Variants in SYN3 observed in about 807,000 individuals in gnomAD.
The protein encoded by SYN3 is synapsin-3.
Under a neutral mutation model 65.8 loss-of-function variants are expected in SYN3, and 35 were observed. That is an observed-to-expected ratio of 0.53 (90% confidence interval 0.41 to 0.70). SYN3 has a LOEUF of 0.70. Among genes scored for constraint, SYN3 ranks in the 30% least tolerant of loss-of-function variants. The pLI is 0.00. For synonymous variants in SYN3, 270 were observed against 292.9 expected (o/e 0.92, Z 0.80); for missense variants, 680 against 749.0 (o/e 0.91, Z 1.08).
intron 7 of SYN3, among the ~76,000 whole-genome samples, chr22:32,563,155 C>T (rs996180433): frequency 6.6e-6 from 1 of 152,246 alleles, no homozygotes; most frequent in Admixed American, 6.5e-5. Context: ...TTATTAGTAT[C>T]CAGCTTAGAG....
intron 6 of SYN3, among the ~76,000 whole-genome samples, chr22:32,720,245 T>TGGGTTTGTCTTC (rs767415494): frequency 3.3e-5 from 5 of 152,220 alleles, no homozygotes; most frequent in Non-Finnish European, 7.3e-5. Context: ...GAGTCCAACC[T>TGGGTTTGTCTTC]GGGTTTGTCT....
rs1261092127 is a variant in SYN3, at chr22:32,801,980, G to GGCAGCGGCGGCA, written c.711+62923_711+62934dup. ...CTTTGGAGAGGCGAGCAGCAGCCCC[G>GGCAGCGGCGGCA]GCAGCGGCGGCAGCAGCGGCAATGA... is the stretch of plus-strand genomic sequence containing the variant. On this transcript the variant is annotated intron_variant, in intron 6 of 13. Coordinates refer to ENST00000358763, the MANE Select transcript of SYN3 (RefSeq NM_003490.4). This position sits in a 1 kb window ranked among gnomAD's most constrained non-coding sequence, Gnocchi z 4.7. 6.3e-7 allele frequency: 1 copy of GGCAGCGGCGGCA among 1,580,612 alleles called. No individual in the cohort carries two copies.
intron 6 of SYN3, among the ~76,000 whole-genome samples, chr22:32,831,865 C>CA (rs537524516): frequency 2.9e-4 from 44 of 152,014 alleles, no homozygotes; most frequent in African/African-American, 1.0e-3. Context: ...CAACCTCCAC[C>CA]AAAAAAAGAC....
Position 32,980,650 on chromosome 22 carries a change from C to G in SYN3, c.364G>C (p.Glu122Gln). ...AAGACACAGCTCCCACCTACCTGCTCCACTCGGATCTCAATCTCTCCATTC... is the reference window on the plus strand; with the variant it reads ...AAGACACAGCTCCCACCTACCTGCTGCACTCGGATCTCAATCTCTCCATTC... ...KVNGEIEIRV[E>Q]QAEFSELNLA... Residue 122 changes from glutamate to glutamine, a missense_variant, in exon 3 of 14, where the codon GAG becomes CAG. Physicochemically the swap from Glu to Gln is conservative, Grantham distance 29. Transcript: ENST00000358763. 2 of 1,613,998 alleles carry G rather than the reference C, an allele frequency of 1.2e-6. No individual in the cohort carries two copies. Among genetic ancestry groups the G allele is most frequent in the Non-Finnish European group, 1.7e-6 (2 of 1,179,928 alleles).
rs569216339 is a variant in SYN3 at position 32,623,539 on chromosome 22, C to T, written c.712-26803G>A. 3.3e-5 allele frequency among the ~76,000 whole-genome samples: 5 copies of T among 152,296 alleles called. No individual in the cohort carries two copies. In the South Asian group the frequency reaches 8.3e-4, roughly 25 times the overall value. Reference sequence around the variant, plus strand: ...ATTGTGCACTTCCAGCAATCAATGGCGGTCTTCCCATAACCCCAACCTGCC... The same window carrying T: ...ATTGTGCACTTCCAGCAATCAATGGTGGTCTTCCCATAACCCCAACCTGCC... On this transcript the variant is annotated intron_variant, in intron 6 of 13. Transcript: ENST00000358763.
rs1238134558 is a variant in SYN3 at position 32,669,013 on chromosome 22, T to C, written c.712-72277A>G. ...GTTGACATTTATTAAGCTCTTACTA[T>C]TATGTGCCTGACTTAGGTTACCTTT... On this transcript the variant is annotated intron_variant, in intron 6 of 13. Transcript: ENST00000358763. Among the ~76,000 whole-genome samples the C allele has an allele frequency of 5.3e-5, 8 of 152,312 alleles. No individual in the cohort carries two copies. The South Asian group carries it at 6.2e-4, about 12-fold the overall frequency.
chr22:32,719,032 G>A (rs2061078746), intron 6 of SYN3, among the ~76,000 whole-genome samples: 1 of 152,104 alleles, frequency 6.6e-6, no homozygotes, highest in Non-Finnish European at 1.5e-5. Flanking sequence ...CGACAGATCA[G>A]CCTCATCTTC....
At chr22:32,966,167 T>G (rs531150183) in intron 3 of SYN3, among the ~76,000 whole-genome samples, 1 of 152,052 alleles carries the variant, frequency 6.6e-6, no homozygotes. Flanking sequence ...AAGTGTGATG[T>G]AGACACAGGT....
Position 32,511,841 on chromosome 22 carries a change from G to A in SYN3, c.*1851C>T, listed in dbSNP as rs2057694779. 6.6e-6 allele frequency among the ~76,000 whole-genome samples: 1 copy of A among 152,206 alleles called. No individual in the cohort carries two copies. The highest frequency in any genetic ancestry group is 1.5e-5 in the Non-Finnish European group (1 of 68,046). On this transcript the variant is annotated 3_prime_UTR_variant, in exon 14 of 14. Transcript: ENST00000358763. ...AATCCCAGACCAAGAGTCTTGAACA[G>A]GAGGAGAGAGAGGACTTCTGAATTA...
intron 6 of SYN3, among the ~76,000 whole-genome samples, chr22:32,712,655 A>G (rs904196343): frequency 2.0e-5 from 3 of 152,130 alleles, no homozygotes; most frequent in African/African-American, 7.2e-5. Context: ...TCTCCACTGC[A>G]ATTGAAATAC....
chr22:32,722,234 A>G (rs911671821), intron 6 of SYN3, among the ~76,000 whole-genome samples: 3 of 152,158 alleles, frequency 2.0e-5, no homozygotes, highest in Non-Finnish European at 2.9e-5. Flanking sequence ...GGGACAACGT[A>G]CCCACAGGGT....
intron 4 of SYN3, among the ~76,000 whole-genome samples, chr22:32,879,088 C>T (rs1045655336): frequency 1.3e-5 from 2 of 152,148 alleles, no homozygotes; most frequent in African/African-American, 4.8e-5. Flanking sequence ...CACACACACA[C>T]ACTTTGAAAA....
intron 6 of SYN3, among the ~76,000 whole-genome samples, chr22:32,713,279 A>T (rs955219788): frequency 5.9e-5 from 9 of 152,212 alleles, no homozygotes; most frequent in Non-Finnish European, 1.3e-4. Context: ...CCAGAAAGTT[A>T]TAGGCTTAAG....
chr22:32,905,625 A>C (rs994308950), intron 4 of SYN3, among the ~76,000 whole-genome samples: 1 of 152,254 alleles, frequency 6.6e-6, no homozygotes, highest in Non-Finnish European at 1.5e-5. Flanking sequence ...AAAGAAGTGG[A>C]GCTTAGGAGG....
intron 12 of SYN3, among the ~76,000 whole-genome samples, chr22:32,518,794 C>T (rs539548176): frequency 5.3e-5 from 8 of 152,260 alleles, no homozygotes; most frequent in South Asian, 4.2e-4. Context: ...TCTCGGGCTG[C>T]GTTACGGACT....
intron 6 of SYN3, among the ~76,000 whole-genome samples, chr22:32,701,930 G>GA (rs1285973939): frequency 6.6e-6 from 1 of 151,908 alleles, no homozygotes; most frequent in Non-Finnish European, 1.5e-5. Context: ...GAAATAAGAA[G>GA]AAAAAACACA....
chr22:32,910,662 C>T (rs2050028428), intron 4 of SYN3, among the ~76,000 whole-genome samples: 1 of 147,374 alleles, frequency 6.8e-6, no homozygotes, highest in South Asian at 2.2e-4. Context: ...TGCGCTTTTG[C>T]CATTGAAAGT....
intron 6 of SYN3, among the ~76,000 whole-genome samples, chr22:32,763,972 C>CTGTTG (rs1385019066): frequency 2.9e-4 from 41 of 143,102 alleles, no homozygotes; most frequent in African/African-American, 1.0e-3. Flanking sequence ...GAGTCTCACT[C>CTGTTG]TGTCGCTCAG....
chr22:32,741,340 G>C (rs1435357344), intron 6 of SYN3, among the ~76,000 whole-genome samples: 1 of 148,084 alleles, frequency 6.8e-6, no homozygotes, highest in African/African-American at 2.5e-5. Context: ...TCTGGCTCTA[G>C]AGCCCAATTT....
Sources: gnomAD v4.1 joint callset for allele counts (sites outside exome capture counted in the v4.1 genomes callset) on GRCh38, gnomAD v4.1.1 for gene constraint, Gnocchi (gnomAD v3.1) non-coding constraint, MANE v1.5 for transcripts, NCBI Gene and HGNC (gene_info 2026-07-23, HGNC 2026-07-21) for gene names.